HNF4G: variants seen among roughly 807,000 people sequenced by gnomAD.
HNF4G encodes hepatocyte nuclear factor 4-gamma.
Under a neutral mutation model 50.9 loss-of-function variants are expected in HNF4G, and 21 were observed. The observed-to-expected ratio is 0.41, with a 90% CI of 0.29 to 0.59. The LOEUF (loss-of-function observed/expected upper bound fraction) is 0.59, where lower values mean the gene tolerates loss of function less well. HNF4G is among the 20% of genes least tolerant of loss of function. The pLI is 0.26. For missense variants in HNF4G, 527 were observed against 559.4 expected (o/e 0.94, Z 0.58); for synonymous variants, 198 against 185.6 (o/e 1.07, Z -0.54).
upstream of HNF4G, among the ~76,000 whole-genome samples, chr8:75,539,504 T>G (rs959378853): frequency 5.3e-5 from 8 of 152,194 alleles, no homozygotes; most frequent in Non-Finnish European, 1.2e-4. Flanking sequence ...AGACTTGATT[T>G]ACCAAATTTA....
intron 1 of HNF4G, among the ~76,000 whole-genome samples, chr8:75,412,013 CTTG>C (rs1272928062): frequency 3.9e-5 from 6 of 152,106 alleles, no homozygotes; most frequent in South Asian, 2.1e-4. Flanking sequence ...CACTGCTTGA[CTTG>C]TTGTAAGTTC....
intron 1 of HNF4G, among the ~76,000 whole-genome samples, chr8:75,447,703 C>G (rs1321272408): frequency 1.3e-5 from 2 of 151,698 alleles, no homozygotes; most frequent in Non-Finnish European, 2.9e-5. Context: ...CACTGGTCAT[C>G]AGAGAAATGC....
intron 2 of HNF4G, among the ~76,000 whole-genome samples, chr8:75,504,256 C>A (rs948607477): frequency 1.3e-5 from 2 of 148,990 alleles, no homozygotes; most frequent in Non-Finnish European, 2.9e-5. Context: ...CACACACACA[C>A]ACACACACAC....
chr8:75,460,539 T>C (rs1811817396), intron 1 of HNF4G, among the ~76,000 whole-genome samples: 1 of 152,190 alleles, frequency 6.6e-6, no homozygotes, highest in African/African-American at 2.4e-5. Flanking sequence ...AAGTGTTATA[T>C]ATAAAAGAGT....
intron 1 of HNF4G, among the ~76,000 whole-genome samples, chr8:75,426,038 A>G (rs1309126363): frequency 6.6e-6 from 1 of 152,242 alleles, no homozygotes; most frequent in African/African-American, 2.4e-5. Flanking sequence ...TTACACTATC[A>G]TTTAAAAGGA....
In HNF4G at chr8:75,553,088, A is replaced by G; in HGVS notation, c.536A>G (p.Lys179Arg). The change falls in exon 5 of 10, where the codon AAA becomes AGA. Residue 179 changes from lysine (K) to arginine (R), a missense_variant. This residue lies in a region of HNF4G where 128 missense variants were observed against 135.3 expected (regional missense o/e 0.95). Coordinates refer to ENST00000396423, the MANE Select transcript of HNF4G (RefSeq NM_004133.5). ...TCAAGCACTGACATAAACGTTAAGA[A>G]AATTGCAAGTATTGGTGATGTCTGT... ...PGSSTDINVKKIASIGDVCES... is the reference protein window; with the variant it reads ...PGSSTDINVKRIASIGDVCES... 1 of 1,612,892 alleles carries G rather than the reference A, an allele frequency of 6.2e-7. No individual in the cohort carries two copies. The highest frequency in any genetic ancestry group is 1.1e-5 in the South Asian group (1 of 91,044).
Position 75,558,785 on chromosome 8 carries a change from C to T in HNF4G, c.887-16C>T. The T allele has an allele frequency of 1.2e-6, 2 of 1,605,970 alleles. No homozygotes were observed. Among genetic ancestry groups the T allele is most frequent in the Non-Finnish European group, 1.7e-6 (2 of 1,172,660 alleles). On this transcript the variant is annotated splice_polypyrimidine_tract_variant and intron_variant, in intron 7 of 9. Transcript: ENST00000396423. The stretch of plus-strand genomic sequence containing the variant: ...TAGGTTAAATCTGTACACTGCCTCT[C>T]TTATTCCTTTGTTAGATGCAAAAGG...
At chr8:75,417,998 G>A (rs1437100627) in intron 1 of HNF4G, among the ~76,000 whole-genome samples, 1 of 151,666 alleles carries the variant, frequency 6.6e-6, no homozygotes, top group Non-Finnish European at 1.5e-5. Context: ...TATATTTTAG[G>A]TAGGAGTGTT....
chr8:75,527,396 A>G (rs779103266), intron 2 of HNF4G, among the ~76,000 whole-genome samples: 1 of 152,202 alleles, frequency 6.6e-6, no homozygotes, highest in Non-Finnish European at 1.5e-5. Context: ...AAAATGTGTG[A>G]GTAAAGGCTC....
Position 75,565,720 on chromosome 8 carries a change from T to C in HNF4G, c.*1624T>C, listed in dbSNP as rs1036499230. Reference sequence around the variant, plus strand: ...TGAAATAATCTTTCTCAGGATTTTTTAAATGTCTAAGATTATGATGTCATA... The same window carrying C: ...TGAAATAATCTTTCTCAGGATTTTTCAAATGTCTAAGATTATGATGTCATA... On this transcript the variant is annotated 3_prime_UTR_variant, in exon 10 of 10. Transcript: ENST00000396423. 2.0e-4 allele frequency: 31 copies of C among 152,286 alleles called. No individual in the cohort carries two copies. The highest frequency in any genetic ancestry group is 7.2e-4 in the African/African-American group (30 of 41,554). The allele number at this position is 152,286 out of a possible 1,614,324, so 9.4% of individuals were successfully genotyped here. A position where few individuals can be genotyped will look rare whatever the true frequency, so the allele number is the denominator to read the frequency against.
At chr8:75,421,076 AT>A (rs1810764556) in intron 1 of HNF4G, among the ~76,000 whole-genome samples, 1 of 152,236 alleles carries the variant, frequency 6.6e-6, no homozygotes, top group African/African-American at 2.4e-5. Context: ...AATCTATTTT[AT>A]TTAACCCAAT....
chr8:75,483,307 C>A (rs1477142981), intron 1 of HNF4G, among the ~76,000 whole-genome samples: 2 of 151,542 alleles, frequency 1.3e-5, no homozygotes. Flanking sequence ...GTTACTTTCT[C>A]TTTTCAATGC....
chr8:75,458,864 T>C (rs1811784058), intron 1 of HNF4G, among the ~76,000 whole-genome samples: 1 of 152,214 alleles, frequency 6.6e-6, no homozygotes, highest in African/African-American at 2.4e-5. Context: ...TAATGACTTA[T>C]ATTTTAACTG....
chr8:75,427,409 C>A (rs989739489), intron 1 of HNF4G, among the ~76,000 whole-genome samples: 1 of 152,026 alleles, frequency 6.6e-6, no homozygotes, highest in Non-Finnish European at 1.5e-5. Context: ...GAAACCCAGT[C>A]TCTACTAAAA....
At chr8:75,443,670 T>C (rs1474364848) in intron 1 of HNF4G, among the ~76,000 whole-genome samples, 1 of 152,194 alleles carries the variant, frequency 6.6e-6, no homozygotes, top group Non-Finnish European at 1.5e-5. Context: ...TATTTGCTGG[T>C]TTACTTATGA....
chr8:75,455,992 C>G (rs528014757), intron 1 of HNF4G, among the ~76,000 whole-genome samples: 1 of 152,196 alleles, frequency 6.6e-6, no homozygotes, highest in South Asian at 2.1e-4. Flanking sequence ...CTAGCTGCAA[C>G]AAGTTATACG....
chr8:75,410,575 T>C (rs1810476776), intron 1 of HNF4G, among the ~76,000 whole-genome samples: 1 of 152,216 alleles, frequency 6.6e-6, no homozygotes, highest in African/African-American at 2.4e-5. Flanking sequence ...TACATGATAA[T>C]GAGCATTTCT....
At position 75,547,693 on chromosome 8, in the gene HNF4G, GA is replaced by G; in HGVS notation, c.382+13del. On this transcript the variant is annotated intron_variant, in intron 3 of 9. Transcript: ENST00000396423. ...AATGAAAAAAGAAGGTAATAATAAT[GA>G]TGATGATAATTAACATTATTGATGA... The G allele has an allele frequency of 1.4e-6, 2 of 1,402,530 alleles. No individual in the cohort carries two copies. Among genetic ancestry groups the G allele is most frequent in the Non-Finnish European group, 2.0e-6 (2 of 987,716 alleles). 86.9% of individuals were successfully genotyped at this position (1,402,530 alleles called of 1,614,324 possible). A position where few individuals can be genotyped will look rare whatever the true frequency, so the allele number is the denominator to read the frequency against.
chr8:75,453,572 A>G (rs1811641178), intron 1 of HNF4G, among the ~76,000 whole-genome samples: 1 of 134,622 alleles, frequency 7.4e-6, no homozygotes, highest in Non-Finnish European at 1.5e-5. Flanking sequence ...AAGCTTTGTT[A>G]TTTTCCTCTT....
Sources: gnomAD v4.1 joint callset for allele counts (sites outside exome capture counted in the v4.1 genomes callset) on GRCh38, gnomAD v4.1.1 for gene constraint, gnomAD v4.1.1 regional missense constraint, MANE v1.5 for transcripts, NCBI Gene and HGNC (gene_info 2026-07-23, HGNC 2026-07-21) for gene names.